The following FERRY3 variants were observed in gnomAD, a reference collection of about 807,000 sequenced individuals.
FERRY3 encodes protein C12orf4.
chr12:4,512,635 A>G, the FERRY3 span, among the ~76,000 whole-genome samples: 3 of 151,076 alleles, frequency 2.0e-5, no homozygotes, highest in African/African-American at 7.4e-5. Flanking sequence ...GCCAAAGACA[A>G]AAACCACATG....
chr12:4,518,636 T>A, the FERRY3 span: 1 of 574,946 alleles, frequency 1.7e-6, no homozygotes, highest in Non-Finnish European at 2.9e-6. Context: ...GGTGGGTGGA[T>A]TGCTTGAGCC....
chr12:4,534,576 G>T, the FERRY3 span, among the ~76,000 whole-genome samples: 2 of 151,976 alleles, frequency 1.3e-5, no homozygotes, highest in Non-Finnish European at 2.9e-5. Flanking sequence ...GCTAATTTTT[G>T]TATTTTTGGT....
the FERRY3 span, among the ~76,000 whole-genome samples, chr12:4,510,940 C>G: frequency 3.3e-5 from 5 of 152,170 alleles, no homozygotes; most frequent in Non-Finnish European, 2.9e-5. Flanking sequence ...AAGACACAGA[C>G]TGGCAAATTG....
chr12:4,533,490 AATGG>A, the FERRY3 span, among the ~76,000 whole-genome samples: 2 of 152,184 alleles, frequency 1.3e-5, no homozygotes, highest in Non-Finnish European at 2.9e-5. Context: ...TGATAAATAC[AATGG>A]ATATTTTTGA....
the FERRY3 span, among the ~76,000 whole-genome samples, chr12:4,507,548 A>G: frequency 6.6e-6 from 1 of 152,204 alleles, no homozygotes; most frequent in Non-Finnish European, 1.5e-5. Context: ...TCTCTTCTGT[A>G]GATATGCTTA....
the FERRY3 span, chr12:4,517,131 T>C: frequency 5.0e-5 from 80 of 1,600,326 alleles, no homozygotes; most frequent in Non-Finnish European, 6.5e-5. Context: ...CAACTTCTAA[T>C]TGCTCTTCAA....
At chr12:4,515,769 C>T in the FERRY3 span, among the ~76,000 whole-genome samples, 1 of 152,102 alleles carries the variant, frequency 6.6e-6, no homozygotes, top group Non-Finnish European at 1.5e-5. Context: ...CTAGTGTATA[C>T]TTGAAATTCA....
the FERRY3 span, among the ~76,000 whole-genome samples, chr12:4,524,362 A>G: frequency 6.6e-6 from 1 of 152,160 alleles, no homozygotes; most frequent in Non-Finnish European, 1.5e-5. Context: ...AAAAACTGTA[A>G]TATTTAGATA....
the FERRY3 span, among the ~76,000 whole-genome samples, chr12:4,506,880 A>G: frequency 2.6e-5 from 4 of 152,198 alleles, no homozygotes; most frequent in Admixed American, 2.0e-4. Flanking sequence ...TGCAGAACAC[A>G]CATGTAGGCG....
At chr12:4,505,460 C>T in the FERRY3 span, 1 of 956,866 alleles carries the variant, frequency 1.0e-6, no homozygotes, top group Non-Finnish European at 1.6e-6. Flanking sequence ...AAAAGAATCA[C>T]AACAACAGCA....
chr12:4,491,149 T>A, the FERRY3 span: 10 of 1,607,294 alleles, frequency 6.2e-6, no homozygotes, highest in South Asian at 8.8e-5. Flanking sequence ...ATACAGGTGG[T>A]GGTTGTCAGA....
the FERRY3 span, among the ~76,000 whole-genome samples, chr12:4,531,120 A>T: frequency 6.6e-6 from 1 of 152,190 alleles, no homozygotes; most frequent in African/African-American, 2.4e-5. Flanking sequence ...CAACAGGAAA[A>T]CTTTTCTAAT....
the FERRY3 span, chr12:4,529,783 T>G: frequency 2.2e-5 from 26 of 1,173,168 alleles, no homozygotes; most frequent in Non-Finnish European, 2.9e-5. Flanking sequence ...TTATCCTTTT[T>G]GTAAAAAATA....
the FERRY3 span, among the ~76,000 whole-genome samples, chr12:4,524,231 T>TA: frequency 6.6e-6 from 1 of 152,186 alleles, no homozygotes; most frequent in East Asian, 1.9e-4. Context: ...AAGCTTCACA[T>TA]ATGATGCACC....
At chr12:4,524,529 CATG>C in the FERRY3 span, among the ~76,000 whole-genome samples, 1 of 150,882 alleles carries the variant, frequency 6.6e-6, no homozygotes, top group African/African-American at 2.4e-5. Context: ...AAAAAAAAGA[CATG>C]AGACTGACAT....
At chr12:4,510,658 G>T in the FERRY3 span, among the ~76,000 whole-genome samples, 2 of 151,090 alleles carry the variant, frequency 1.3e-5, no homozygotes, top group South Asian at 4.2e-4. Context: ...CTTCGTAAGT[G>T]AAGGAGAAAT....
chr12:4,530,172 A>G, the FERRY3 span: 16 of 805,678 alleles, frequency 2.0e-5, no homozygotes, highest in South Asian at 9.2e-5. Context: ...TCTTATATAT[A>G]TATGTGTGTG....
At chr12:4,523,036 C>G in the FERRY3 span, among the ~76,000 whole-genome samples, 1 of 152,096 alleles carries the variant, frequency 6.6e-6, no homozygotes, top group African/African-American at 2.4e-5. Flanking sequence ...CTAAGTTTGT[C>G]AAAATTCATC....
the FERRY3 span, among the ~76,000 whole-genome samples, chr12:4,514,662 G>A: frequency 1.2e-4 from 17 of 147,526 alleles, no homozygotes; most frequent in East Asian, 8.1e-4. Context: ...ACCAAACACC[G>A]CATATTCTCA....
Sources: allele counts gnomAD v4.1 joint callset (sites outside exome capture counted in the v4.1 genomes callset), GRCh38; gene constraint gnomAD v4.1.1; transcripts MANE v1.5; gene names NCBI Gene and HGNC (gene_info 2026-07-23, HGNC 2026-07-21).